BMPER: variants seen among roughly 807,000 people sequenced by gnomAD.
BMPER encodes BMP-binding endothelial regulator protein.
Under a neutral mutation model 87.3 loss-of-function variants are expected in BMPER, and 45 were observed. The observed-to-expected ratio is 0.52, with a 90% CI of 0.41 to 0.66. The LOEUF (loss-of-function observed/expected upper bound fraction) is 0.66. BMPER is among the 30% of genes least tolerant of loss of function. The pLI is 0.00. For synonymous variants in BMPER, 326 were observed against 316.2 expected, an observed-to-expected ratio of 1.03 and a Z score of -0.33; for missense variants, 784 against 867.5, an observed-to-expected ratio of 0.90 and a Z score of 1.21.
At chr7:34,082,946 C>A (rs1789093806) in intron 12 of BMPER, among the ~76,000 whole-genome samples, 1 of 152,082 alleles carries the variant, frequency 6.6e-6, no homozygotes. Context: ...GATTTTCTCC[C>A]CTCATTTCTC....
chr7:34,126,177 G>C (rs184745056), intron 13 of BMPER, among the ~76,000 whole-genome samples: 1 of 152,208 alleles, frequency 6.6e-6, no homozygotes, highest in African/African-American at 2.4e-5. Context: ...CCTGAAATTT[G>C]AAAAGGAGAG....
intron 3 of BMPER, among the ~76,000 whole-genome samples, chr7:33,959,328 G>A (rs1345391577): frequency 1.3e-5 from 2 of 151,876 alleles, no homozygotes; most frequent in African/African-American, 4.8e-5. Context: ...TTTTCAAATT[G>A]TTTTTGGTAC....
intron 10 of BMPER, among the ~76,000 whole-genome samples, chr7:34,061,535 A>G (rs1332509337): frequency 6.6e-6 from 1 of 152,202 alleles, no homozygotes; most frequent in Admixed American, 6.5e-5. Context: ...AGTGCTGATG[A>G]TTCCTGAGCT....
intron 11 of BMPER, 85 bp downstream of exon 11, chr7:34,062,132 C>T (rs1788453714): frequency 3.2e-6 from 4 of 1,263,866 alleles, no homozygotes; most frequent in African/African-American, 3.0e-5. Flanking sequence ...GTATGTTTCC[C>T]ACACATTTTA....
At chr7:33,922,925 G>A (rs920183067) in intron 2 of BMPER, among the ~76,000 whole-genome samples, 7 of 152,196 alleles carry the variant, frequency 4.6e-5, no homozygotes, top group Non-Finnish European at 7.4e-5. Flanking sequence ...GAAATATTAT[G>A]TTGAAAGTAC....
At position 33,972,204 on chromosome 7, in the gene BMPER, A is replaced by T. The variant is rs1202914684; in HGVS notation, c.493+1785A>T. Among the ~76,000 whole-genome samples, 5 of 152,178 alleles carry T rather than the reference A, an allele frequency of 3.3e-5. No homozygotes were observed. In the South Asian group the frequency reaches 8.3e-4, roughly 25 times the overall value. On this transcript the variant is annotated intron_variant, in intron 5 of 14. Coordinates refer to ENST00000649409, the MANE Select transcript of BMPER (RefSeq NM_001365308.1). ...AGGCGTGAGCCCCTACGCCCGGCCG[A>T]CTATGGCTTTATTGACACAGAATCA...
chr7:33,990,525 T>C (rs1786177635), intron 6 of BMPER, among the ~76,000 whole-genome samples: 1 of 149,738 alleles, frequency 6.7e-6, no homozygotes, highest in African/African-American at 2.5e-5. Context: ...GCTGAGACAA[T>C]GGGGTTTTCT....
chr7:34,129,622 G>GAAAGAAAGAAAGAA (rs1790512640), intron 13 of BMPER, among the ~76,000 whole-genome samples: 1 of 67,132 alleles, frequency 1.5e-5, no homozygotes, highest in Admixed American at 1.6e-4. Context: ...GAGAGAGAGA[G>GAAAGAAAGAAAGAA]AGAAAGAGAG....
In BMPER at chr7:34,046,377, C is replaced by A. The variant is rs756265693; in HGVS notation, c.648C>A (p.Pro216=). ...LSCPQHLSHI[P]PGQCCPKCLG... ...GTCCCCAGCACCTTAGTCACATACC[C>A]CCAGGACAGTGCTGCCCCAAATGTT... Residue 216 remains proline, a synonymous_variant, in exon 7 of 15, where the codon CCC becomes CCA. Coordinates refer to ENST00000649409, the MANE Select transcript of BMPER (RefSeq NM_001365308.1). The A allele has an allele frequency of 7.4e-6, 12 of 1,613,880 alleles. No individual in the cohort carries two copies. The highest frequency in any genetic ancestry group is 1.0e-5 in the Non-Finnish European group (12 of 1,179,942).
intron 6 of BMPER, among the ~76,000 whole-genome samples, chr7:33,985,631 A>G (rs548119338): frequency 6.6e-6 from 1 of 152,052 alleles, no homozygotes; most frequent in East Asian, 1.9e-4. Context: ...TATACTACAT[A>G]TTTCCTGCAC....
chr7:33,907,263 C>CCCA (rs1288686571), intron 2 of BMPER, among the ~76,000 whole-genome samples: 4 of 151,882 alleles, frequency 2.6e-5, no homozygotes, highest in African/African-American at 9.7e-5. Context: ...GTCATTTAAG[C>CCCA]TCAGTGGGAA....
intron 3 of BMPER, among the ~76,000 whole-genome samples, chr7:33,954,301 A>G (rs1353186468): frequency 6.6e-6 from 1 of 152,220 alleles, no homozygotes; most frequent in Non-Finnish European, 1.5e-5. Flanking sequence ...TGCTAATAAA[A>G]TACCCTAAAC....
intron 11 of BMPER, among the ~76,000 whole-genome samples, chr7:34,075,345 T>G (rs1009148636): frequency 2.0e-5 from 3 of 152,186 alleles, no homozygotes; most frequent in Admixed American, 6.5e-5. Flanking sequence ...TAAATAATAG[T>G]GCAAATACAC....
chr7:34,139,598 A>G (rs557172769), intron 13 of BMPER, among the ~76,000 whole-genome samples: 1 of 152,342 alleles, frequency 6.6e-6, no homozygotes, highest in Non-Finnish European at 1.5e-5. Flanking sequence ...AAAATTAAGG[A>G]GAACCGCAAT....
chr7:33,966,460 T>A lies in BMPER; in HGVS notation c.320-19T>A, dbSNP rs1450014928. ...ACCCATTCTTGGCCTTTCTTCCTGC[T>A]TCTGTGTCTCCTGTCTAGGTTGCAC... is the stretch of plus-strand genomic sequence containing the variant. On this transcript the variant is annotated intron_variant, in intron 3 of 14. Transcript: ENST00000649409. 2 of 1,608,758 alleles carry A rather than the reference T, an allele frequency of 1.2e-6. No homozygotes were observed. The highest frequency in any genetic ancestry group is 1.7e-6 in the Non-Finnish European group (2 of 1,175,236).
At chr7:34,016,380 C>T (rs1211828476) in intron 6 of BMPER, among the ~76,000 whole-genome samples, 2 of 151,942 alleles carry the variant, frequency 1.3e-5, no homozygotes, top group African/African-American at 4.8e-5. Flanking sequence ...TCAAATCTAC[C>T]TGTGTAATGC....
intron 6 of BMPER, among the ~76,000 whole-genome samples, chr7:34,008,424 TAGAA>T (rs1786791479): frequency 6.6e-6 from 1 of 152,120 alleles, no homozygotes; most frequent in African/African-American, 2.4e-5. Context: ...GTGTCACTAT[TAGAA>T]AGCCTTTCCC....
chr7:34,083,504 C>A (rs1789109714), intron 12 of BMPER, among the ~76,000 whole-genome samples: 1 of 152,174 alleles, frequency 6.6e-6, no homozygotes, highest in Non-Finnish European at 1.5e-5. Context: ...CTTCCATTGA[C>A]CATACAGTGA....
chr7:34,052,466 A>G (rs1264529011), intron 8 of BMPER, among the ~76,000 whole-genome samples: 1 of 152,232 alleles, frequency 6.6e-6, no homozygotes, highest in Non-Finnish European at 1.5e-5. Context: ...AAAGGCAACC[A>G]GAAGTCTAAT....
Sources: allele counts gnomAD v4.1 joint callset (sites outside exome capture counted in the v4.1 genomes callset), GRCh38; gene constraint gnomAD v4.1.1; transcripts MANE v1.5; gene names NCBI Gene and HGNC (gene_info 2026-07-23, HGNC 2026-07-21).